The following GALNTL6 variants were observed in gnomAD, a reference collection of about 807,000 sequenced individuals.
The protein encoded by GALNTL6 is polypeptide N-acetylgalactosaminyltransferase like 6.
Under a neutral mutation model 73.7 loss-of-function variants are expected in GALNTL6, and 46 were observed. The ratio of observed to expected loss-of-function variants is 0.62; its 90% CI spans 0.49 to 0.80. The LOEUF (loss-of-function observed/expected upper bound fraction) is 0.80. GALNTL6 is among the 30% of genes least tolerant of loss of function. The pLI is 0.00. For missense variants in GALNTL6, 604 were observed against 755.0 expected, an observed-to-expected ratio of 0.80 and a Z score of 2.34; for synonymous variants, 259 against 263.7, an observed-to-expected ratio of 0.98 and a Z score of 0.17.
chr4:172,526,683 G>T (rs1332536397), intron 5 of GALNTL6, among the ~76,000 whole-genome samples: 1 of 152,202 alleles, frequency 6.6e-6, no homozygotes, highest in Admixed American at 6.5e-5. Flanking sequence ...CAGTGTGAAA[G>T]TCAAGCAGAA....
chr4:172,005,493 C>T (rs1052090504), intron 2 of GALNTL6, among the ~76,000 whole-genome samples: 1 of 151,950 alleles, frequency 6.6e-6, no homozygotes, highest in East Asian at 1.9e-4. Flanking sequence ...GAGAATAAAC[C>T]CTACACTACA....
chr4:172,026,038 A>G (rs72984512), intron 2 of GALNTL6, among the ~76,000 whole-genome samples: 1,715 of 152,168 alleles, frequency 0.011, 27 homozygotes, highest in African/African-American at 0.035. Context: ...ATTAAAAAGG[A>G]AAACAGACAA....
chr4:172,710,068 TAA>T (rs1734604451), intron 5 of GALNTL6, among the ~76,000 whole-genome samples: 1 of 152,104 alleles, frequency 6.6e-6, no homozygotes, highest in Admixed American at 6.6e-5. Context: ...CACTAAAAAT[TAA>T]AGAGTATAAA....
chr4:172,459,341 A>G, intron 5 of GALNTL6, among the ~76,000 whole-genome samples: 1 of 152,208 alleles, frequency 6.6e-6, no homozygotes, highest in Admixed American at 6.5e-5. Context: ...CCTATTCAAC[A>G]TAGTATTGGA....
intron 5 of GALNTL6, among the ~76,000 whole-genome samples, chr4:172,655,638 G>C (rs537806461): frequency 6.6e-6 from 1 of 152,218 alleles, no homozygotes; most frequent in East Asian, 1.9e-4. Flanking sequence ...ATAAAAAGAC[G>C]TGACCTCAAG....
At chr4:172,688,551 G>T (rs993961698) in intron 5 of GALNTL6, among the ~76,000 whole-genome samples, 3 of 152,046 alleles carry the variant, frequency 2.0e-5, no homozygotes, top group African/African-American at 7.2e-5. Context: ...TCAATATTCC[G>T]CCCATAATGT....
At chr4:172,528,014 C>T (rs338045) in intron 5 of GALNTL6, among the ~76,000 whole-genome samples, 150,464 of 151,850 alleles carry the variant, frequency 0.99, 74,567 homozygotes, top group Middle Eastern at 1. Context: ...TTGAAGTTAA[C>T]TTAAAACTAA....
intron 2 of GALNTL6, among the ~76,000 whole-genome samples, chr4:171,929,018 T>C (rs1738083724): frequency 6.6e-6 from 1 of 152,198 alleles, no homozygotes; most frequent in Admixed American, 6.5e-5. Context: ...CACATATTTT[T>C]ATGAAAAATT....
intron 8 of GALNTL6, among the ~76,000 whole-genome samples, chr4:172,914,167 G>A (rs1164997066): frequency 6.6e-6 from 1 of 152,138 alleles, no homozygotes; most frequent in Non-Finnish European, 1.5e-5. Flanking sequence ...AAGTGAAGGA[G>A]AAATAAAAGC....
intron 3 of GALNTL6, among the ~76,000 whole-genome samples, chr4:172,236,533 T>C (rs2638001): frequency 1 from 149,183 of 149,306 alleles, 74,530 homozygotes; most frequent in Non-Finnish European, 1. Context: ...CACTCCAGCC[T>C]GGGCGACAGA....
chr4:172,799,258 T>A (rs1282933030), intron 5 of GALNTL6, among the ~76,000 whole-genome samples: 1 of 152,202 alleles, frequency 6.6e-6, no homozygotes. Flanking sequence ...TACTCTATAG[T>A]CACATAGATT....
At chr4:172,231,058 G>A (rs113908154) in intron 3 of GALNTL6, among the ~76,000 whole-genome samples, 1 of 27,562 alleles carries the variant, frequency 3.6e-5, no homozygotes, top group Admixed American at 3.7e-4. Flanking sequence ...GATGTTCCCT[G>A]TTTTCAGAGC....
At chr4:172,127,012 A>G (rs1015542719) in intron 2 of GALNTL6, among the ~76,000 whole-genome samples, 7 of 152,192 alleles carry the variant, frequency 4.6e-5, no homozygotes, top group Non-Finnish European at 7.4e-5. Context: ...CTCAAGGACA[A>G]GCTTACCTGC....
At chr4:172,440,966 G>A (rs957178458) in intron 5 of GALNTL6, among the ~76,000 whole-genome samples, 1 of 151,854 alleles carries the variant, frequency 6.6e-6, no homozygotes, top group East Asian at 1.9e-4. Context: ...GTATTTAATA[G>A]TTGTAGAGTG....
At chr4:172,612,934 A>AGCC (rs891618602) in intron 5 of GALNTL6, among the ~76,000 whole-genome samples, 1 of 152,106 alleles carries the variant, frequency 6.6e-6, no homozygotes, top group African/African-American at 2.4e-5. Context: ...GGGGCCCCAG[A>AGCC]GCCCTGGCCT....
At chr4:172,423,891 A>G (rs1356394446) in intron 5 of GALNTL6, among the ~76,000 whole-genome samples, 2 of 152,094 alleles carry the variant, frequency 1.3e-5, no homozygotes, top group Admixed American at 6.6e-5. Flanking sequence ...GCAAAGCAAA[A>G]CTATAGTAAG....
chr4:172,124,670 G>GA (rs1733247220), intron 2 of GALNTL6, among the ~76,000 whole-genome samples: 1 of 151,872 alleles, frequency 6.6e-6, no homozygotes, highest in South Asian at 2.1e-4. Context: ...TACCAAAAAA[G>GA]AAAAAAACAA....
At chr4:172,242,812 T>C (rs1737492971) in intron 3 of GALNTL6, among the ~76,000 whole-genome samples, 1 of 152,256 alleles carries the variant, frequency 6.6e-6, no homozygotes, top group African/African-American at 2.4e-5. Flanking sequence ...TAAGGCATTG[T>C]AGGAGGTGCC....
intron 2 of GALNTL6, among the ~76,000 whole-genome samples, chr4:172,165,203 A>G (rs182404580): frequency 9.7e-4 from 148 of 152,170 alleles, no homozygotes; most frequent in African/African-American, 3.3e-3. Context: ...GCCACTGTAT[A>G]TTTTATATAC....
Sources: gnomAD v4.1 joint callset for allele counts (sites outside exome capture counted in the v4.1 genomes callset) on GRCh38, gnomAD v4.1.1 for gene constraint, MANE v1.5 for transcripts, NCBI Gene and HGNC (gene_info 2026-07-23, HGNC 2026-07-21) for gene names.